The following CSMD1 variants were observed in gnomAD, a reference collection of about 807,000 sequenced individuals.
The protein encoded by CSMD1 is CUB and Sushi multiple domains 1.
In CSMD1, 213 loss-of-function variants were observed where a neutral mutation model predicts 417.5. That is an observed-to-expected ratio of 0.51 (90% CI 0.46 to 0.57). The LOEUF is 0.57. CSMD1 is among the 20% of genes least tolerant of loss of function. The pLI is 0.00. For missense variants in CSMD1, 6,923 were observed against 4,529.7 expected (o/e 1.53, Z -15.17); for synonymous variants, 2,862 against 1,736.8 (o/e 1.65, Z -16.11).
intron 6 of CSMD1, among the ~76,000 whole-genome samples, chr8:3,714,561 C>CAA (rs61494901): frequency 1.1e-4 from 8 of 70,576 alleles, no homozygotes; most frequent in Admixed American, 2.3e-4. Context: ...ATCTCTATCC[C>CAA]AAAAAAAAAA....
rs150768718 is a variant in CSMD1 at position 4,846,263 on chromosome 8, G to C, written c.85+148069C>G. Among the ~76,000 whole-genome samples the C allele has an allele frequency of 2.2e-3, 337 of 152,272 alleles. 2 individuals carry two copies. The highest frequency in any genetic ancestry group is 7.7e-3 in the African/African-American group (322 of 41,552). On this transcript the variant is annotated intron_variant, in intron 1 of 69. Coordinates refer to ENST00000635120, the MANE Select transcript of CSMD1 (RefSeq NM_033225.6). Reference sequence around the variant, plus strand: ...AGCTCTTACTTTCAAATTTGGAAATGTGTGAAGTAAGATCTTTAACTTGTT... The same window carrying C: ...AGCTCTTACTTTCAAATTTGGAAATCTGTGAAGTAAGATCTTTAACTTGTT...
rs77503638 is a variant in CSMD1, at chr8:4,334,025, G to A, written c.415+85928C>T. 7.1e-3 allele frequency among the ~76,000 whole-genome samples: 1,082 copies of A among 151,916 alleles called. 5 individuals carry two copies. The highest frequency in any genetic ancestry group is 0.012 in the Non-Finnish European group (791 of 67,928). ...CCCGCCTCAGACTCCTGAGTACCTG[G>A]GACCACAGGCACCCACCACAACATC... On this transcript the variant is annotated intron_variant, in intron 3 of 69. Coordinates refer to ENST00000635120, the MANE Select transcript of CSMD1 (RefSeq NM_033225.6).
At chr8:3,980,499 G>A (rs1260850776) in intron 5 of CSMD1, among the ~76,000 whole-genome samples, 1 of 151,826 alleles carries the variant, frequency 6.6e-6, no homozygotes, top group Non-Finnish European at 1.5e-5. Flanking sequence ...CACTCTGCTC[G>A]TCTCTGCTTC....
At chr8:3,170,654 A>G (rs1820530815) in intron 37 of CSMD1, among the ~76,000 whole-genome samples, 1 of 152,210 alleles carries the variant, frequency 6.6e-6, no homozygotes. Flanking sequence ...TTGTGAATTT[A>G]ATTTTTAATT....
intron 5 of CSMD1, among the ~76,000 whole-genome samples, chr8:3,848,064 G>A (rs1218830006): frequency 7.4e-6 from 1 of 134,572 alleles, no homozygotes; most frequent in African/African-American, 3.3e-5. Context: ...CCATCCTGGT[G>A]ATATTTCTCT....
intron 26 of CSMD1, among the ~76,000 whole-genome samples, chr8:3,255,227 G>T (rs950517829): frequency 1.3e-5 from 2 of 152,100 alleles, no homozygotes; most frequent in East Asian, 3.9e-4. Context: ...CCATTCCTCT[G>T]GAAGTTTTTC....
chr8:4,040,664 A>C (rs1797839171), intron 3 of CSMD1, among the ~76,000 whole-genome samples: 1 of 152,178 alleles, frequency 6.6e-6, no homozygotes, highest in Non-Finnish European at 1.5e-5. Flanking sequence ...ACATAGTTTT[A>C]AAAAACATGT....
intron 26 of CSMD1, among the ~76,000 whole-genome samples, chr8:3,256,334 A>G (rs1355116231): frequency 6.6e-6 from 1 of 151,618 alleles, no homozygotes; most frequent in Non-Finnish European, 1.5e-5. Context: ...AAGAGAAGAA[A>G]GGAAGGAAAG....
chr8:3,793,250 T>C (rs1219325495), intron 5 of CSMD1, among the ~76,000 whole-genome samples: 2 of 152,200 alleles, frequency 1.3e-5, no homozygotes, highest in East Asian at 1.9e-4. Context: ...TTAATGGTCA[T>C]CAATCTCAAG....
intron 49 of CSMD1, among the ~76,000 whole-genome samples, chr8:3,065,630 T>C (rs149085102): frequency 3.7e-4 from 56 of 152,228 alleles, no homozygotes; most frequent in South Asian, 1.2e-3. Context: ...GATAGGAAGA[T>C]AGATTGATAG....
At chr8:3,016,929 T>A (rs372477683) in intron 52 of CSMD1, among the ~76,000 whole-genome samples, 2 of 152,144 alleles carry the variant, frequency 1.3e-5, no homozygotes, top group African/African-American at 4.8e-5. Context: ...GACACAAGAA[T>A]AACACAAGAT....
chr8:4,553,831 T>C (rs1477395634), intron 2 of CSMD1, among the ~76,000 whole-genome samples: 3 of 152,172 alleles, frequency 2.0e-5, no homozygotes, highest in South Asian at 4.1e-4. Flanking sequence ...AGGGACATGA[T>C]TGGGTTAGCT....
intron 3 of CSMD1, among the ~76,000 whole-genome samples, chr8:4,406,617 G>A (rs1024855193): frequency 5.9e-5 from 9 of 152,146 alleles, no homozygotes; most frequent in East Asian, 3.9e-4. Context: ...GAAAGTGACC[G>A]GAGGCTGGGA....
chr8:4,179,856 T>A (rs1798257554), intron 3 of CSMD1, among the ~76,000 whole-genome samples: 1 of 152,030 alleles, frequency 6.6e-6, no homozygotes, highest in African/African-American at 2.4e-5. Flanking sequence ...ATCAGAGAAA[T>A]GCAAACCAAA....
chr8:3,731,528 A>T (rs888996861), intron 6 of CSMD1, among the ~76,000 whole-genome samples: 3 of 152,308 alleles, frequency 2.0e-5, no homozygotes, highest in Middle Eastern at 3.4e-3. Context: ...GACCCAGTGC[A>T]GCCAGTATGG....
At chr8:3,578,457 C>G (rs949810339) in intron 9 of CSMD1, among the ~76,000 whole-genome samples, 3 of 152,158 alleles carry the variant, frequency 2.0e-5, no homozygotes, top group African/African-American at 7.2e-5. Context: ...GCAGTGCACG[C>G]AGGCCCTTGC....
At chr8:3,819,328 CAGGT>C (rs1563111974) in intron 5 of CSMD1, among the ~76,000 whole-genome samples, 1 of 152,144 alleles carries the variant, frequency 6.6e-6, no homozygotes, top group African/African-American at 2.4e-5. Flanking sequence ...GAGAGAGTGA[CAGGT>C]AGGAGATTCA....
chr8:4,435,750 A>G (rs1798114121), intron 2 of CSMD1, among the ~76,000 whole-genome samples: 1 of 152,170 alleles, frequency 6.6e-6, no homozygotes, highest in African/African-American at 2.4e-5. Flanking sequence ...CCATGTGGCT[A>G]CAATAAAAAG....
intron 3 of CSMD1, among the ~76,000 whole-genome samples, chr8:4,358,534 G>A (rs1015156358): frequency 3.3e-5 from 5 of 152,190 alleles, no homozygotes; most frequent in Non-Finnish European, 5.9e-5. Flanking sequence ...ATGCAGAGGT[G>A]ACGATATGGC....
Sources: gnomAD v4.1 joint callset for allele counts (sites outside exome capture counted in the v4.1 genomes callset) on GRCh38, gnomAD v4.1.1 for gene constraint, MANE v1.5 for transcripts, NCBI Gene and HGNC (gene_info 2026-07-23, HGNC 2026-07-21) for gene names.